PLCE1: variants seen among roughly 807,000 people sequenced by gnomAD.
The protein encoded by PLCE1 is phospholipase C epsilon 1, also known as 1-phosphatidylinositol 4,5-bisphosphate phosphodiesterase epsilon-1.
A neutral mutation model predicts 242.8 loss-of-function variants in PLCE1; 119 were observed. That is an observed-to-expected ratio of 0.49 (90% CI 0.42 to 0.57). The LOEUF (loss-of-function observed/expected upper bound fraction) is 0.57, where lower values mean the gene tolerates loss of function less well. PLCE1 is among the 20% of genes least tolerant of loss of function. The pLI is 0.00. For missense variants in PLCE1, 2,441 were observed against 2,788.8 expected (o/e 0.88, Z 2.81); for synonymous variants, 945 against 1,017.4 (o/e 0.93, Z 1.35).
chr10:94,125,190 A>G (rs930313547), intron 2 of PLCE1, among the ~76,000 whole-genome samples: 3 of 152,246 alleles, frequency 2.0e-5, no homozygotes, highest in Non-Finnish European at 4.4e-5. Flanking sequence ...AAATCTCATG[A>G]AGCTGACATT....
At chr10:94,029,041 C>T (rs1168771076) in intron 1 of PLCE1, among the ~76,000 whole-genome samples, 1 of 152,040 alleles carries the variant, frequency 6.6e-6, no homozygotes, top group Non-Finnish European at 1.5e-5. Context: ...TTGCAGCAAG[C>T]AGTGATTGTG....
intron 4 of PLCE1, among the ~76,000 whole-genome samples, chr10:94,218,991 AAAT>A (rs2049629611): frequency 6.8e-6 from 1 of 147,732 alleles, no homozygotes; most frequent in African/African-American, 2.5e-5. Flanking sequence ...AGTTATATAT[AAAT>A]AATTATTAAT....
At chr10:94,221,785 T>A (rs1014316910) in intron 4 of PLCE1, among the ~76,000 whole-genome samples, 4 of 152,176 alleles carry the variant, frequency 2.6e-5, no homozygotes, top group Non-Finnish European at 5.9e-5. Context: ...CTGTCTAGAC[T>A]TTCATTATAT....
intron 4 of PLCE1, among the ~76,000 whole-genome samples, chr10:94,174,608 C>T (rs1281155080): frequency 1.3e-5 from 2 of 152,090 alleles, no homozygotes; most frequent in Non-Finnish European, 2.9e-5. Context: ...ACATATGCCT[C>T]CTGATATGAT....
chr10:94,068,918 G>A (rs76452149), intron 2 of PLCE1, among the ~76,000 whole-genome samples: 3,346 of 152,298 alleles, frequency 0.022, 116 homozygotes, highest in African/African-American at 0.065. Flanking sequence ...ACCAAGGACA[G>A]GACGGTATTT....
At chr10:94,139,851 T>C (rs1020804763) in intron 3 of PLCE1, among the ~76,000 whole-genome samples, 1 of 152,170 alleles carries the variant, frequency 6.6e-6, no homozygotes, top group Non-Finnish European at 1.5e-5. Flanking sequence ...CCTCTGTTCT[T>C]TCCAGGTTCC....
chr10:94,151,165 C>T (rs1026413274), intron 3 of PLCE1, among the ~76,000 whole-genome samples: 2 of 152,162 alleles, frequency 1.3e-5, no homozygotes, highest in African/African-American at 4.8e-5. Context: ...TGGCCTCCAT[C>T]CTCCCACCTC....
chr10:94,293,613 C>T lies in PLCE1; in HGVS notation c.5141C>T (p.Ala1714Val). The T allele has an allele frequency of 1.2e-6, 2 of 1,613,800 alleles. No homozygotes were observed. Among genetic ancestry groups the T allele is most frequent in the Non-Finnish European group, 1.7e-6 (2 of 1,179,782 alleles). ...GGCAGAATGAGCCCAGGGGAGACAG[C>T]ATCATTTAACAAAACATCTGGAAAA... ...NPGRMSPGET[A>V]SFNKTSGKSS... Residue 1714 changes from alanine to valine, a missense_variant, in exon 23 of 33, where the codon GCA becomes GTA. Transcript: ENST00000371380.
At chr10:94,162,672 C>T (rs928973557) in intron 3 of PLCE1, among the ~76,000 whole-genome samples, 3 of 152,102 alleles carry the variant, frequency 2.0e-5, no homozygotes, top group African/African-American at 7.2e-5. Flanking sequence ...CTGCTCTGAT[C>T]TTAGCTATTT....
chr10:94,097,592 G>A (rs1187178359), intron 2 of PLCE1, among the ~76,000 whole-genome samples: 3 of 152,218 alleles, frequency 2.0e-5, no homozygotes, highest in Non-Finnish European at 4.4e-5. Context: ...ATGAAAGGTA[G>A]TAAGGCGGAG....
chr10:94,148,831 C>T (rs2047192877), intron 3 of PLCE1, among the ~76,000 whole-genome samples: 1 of 152,186 alleles, frequency 6.6e-6, no homozygotes, highest in African/African-American at 2.4e-5. Flanking sequence ...ACAGATCAGC[C>T]TTGCCAATGG....
intron 11 of PLCE1, among the ~76,000 whole-genome samples, chr10:94,257,592 T>C (rs1423754523): frequency 3.3e-5 from 5 of 152,136 alleles, no homozygotes; most frequent in Non-Finnish European, 7.3e-5. Context: ...TATGCAGCCA[T>C]AAAAAGGATG....
Position 94,132,383 on chromosome 10 carries a change from AGCAACCAC to A in PLCE1, c.1418_1425del (p.Ala473ValfsTer92). On this transcript the variant is annotated frameshift_variant, in exon 3 of 33. Transcript: ENST00000371380. LOFTEE classifies it high-confidence loss of function. ...AGTACATCACCGGTTCTCTCCTAGA[AGCAACCAC>A]GTCTTTGGGAGCAAGAAGTGGCCTT... 6.2e-7 allele frequency: 1 copy of A among 1,614,154 alleles called. No individual in the cohort carries two copies. Among genetic ancestry groups the A allele is most frequent in the African/African-American group, 1.3e-5 (1 of 75,048 alleles).
intron 22 of PLCE1, among the ~76,000 whole-genome samples, chr10:94,289,629 A>G (rs1483312753): frequency 6.6e-6 from 1 of 152,236 alleles, no homozygotes; most frequent in Non-Finnish European, 1.5e-5. Context: ...TAACACAATG[A>G]TAAGTATTTG....
chr10:94,238,487 C>T (rs539435744), intron 7 of PLCE1, among the ~76,000 whole-genome samples: 3 of 152,280 alleles, frequency 2.0e-5, no homozygotes, highest in Admixed American at 6.5e-5. Context: ...ATGCTTAAGG[C>T]ATTTCTTTTG....
chr10:94,187,159 T>TGG (rs2048504991), intron 4 of PLCE1, among the ~76,000 whole-genome samples: 2 of 150,250 alleles, frequency 1.3e-5, no homozygotes, highest in Middle Eastern at 3.4e-3. Flanking sequence ...TGTGTGTGTG[T>TGG]GTGTGTGTGT....
At chr10:94,279,082 AT>A (rs903303666) in intron 19 of PLCE1, among the ~76,000 whole-genome samples, 122 of 152,154 alleles carry the variant, frequency 8.0e-4, no homozygotes, top group African/African-American at 2.8e-3. Context: ...TGTTTCCTGC[AT>A]TTAGTTCATG....
At chr10:93,996,979 G>A (rs960250531) in intron 1 of PLCE1, among the ~76,000 whole-genome samples, 5 of 152,172 alleles carry the variant, frequency 3.3e-5, no homozygotes. Context: ...GTTTCCAAAT[G>A]AAATTTAGTC....
chr10:94,082,577 G>A lies in PLCE1; in HGVS notation c.1207-49597G>A, dbSNP rs115099726. 3.9e-3 allele frequency among the ~76,000 whole-genome samples: 599 copies of A among 152,272 alleles called. 3 individuals carry two copies. The highest frequency in any genetic ancestry group is 0.014 in the African/African-American group (569 of 41,560). On this transcript the variant is annotated intron_variant, in intron 2 of 32. Transcript: ENST00000371380. ...CTCTACTTTACCTCAAGCTCCTTGA[G>A]GGGTGTGTTCTTCATCATATATCAG...
Sources: allele counts gnomAD v4.1 joint callset (sites outside exome capture counted in the v4.1 genomes callset), GRCh38; gene constraint gnomAD v4.1.1; transcripts MANE v1.5; gene names NCBI Gene and HGNC (gene_info 2026-07-23, HGNC 2026-07-21).